Variants in ERCC4 observed in about 807,000 individuals in gnomAD.
ERCC4 encodes DNA repair endonuclease XPF.
ERCC4 carries 65 observed loss-of-function variants against 76.9 expected under a neutral mutation model. The observed-to-expected ratio is 0.84, with a 90% CI of 0.69 to 1.04. ERCC4 has a LOEUF of 1.04. Ranked by LOEUF, ERCC4 falls within the 50% of genes least tolerant of loss-of-function variation. The pLI, the probability that ERCC4 is intolerant of heterozygous loss-of-function variation, is 0.00. For synonymous variants in ERCC4, 463 were observed against 410.1 expected (o/e 1.13, Z -1.56); for missense variants, 1,214 against 1,128.2 (o/e 1.08, Z -1.09).
intron 9 of ERCC4, among the ~76,000 whole-genome samples, chr16:13,940,693 A>T (rs1392946514): frequency 6.6e-6 from 1 of 152,216 alleles, no homozygotes; most frequent in Non-Finnish European, 1.5e-5. Flanking sequence ...ACGATAAATC[A>T]CATCGTCAGC....
rs201181735 is a variant in ERCC4, at chr16:13,932,151, T to C, written c.974-6T>C. On this transcript the variant is annotated splice_region_variant and splice_polypyrimidine_tract_variant and intron_variant, in intron 5 of 10. Coordinates refer to ENST00000311895, the MANE Select transcript of ERCC4 (RefSeq NM_005236.3). ...TGGCACTTTTTCTTTTAACTTTTCG[T>C]ATTAGGTTGGCTGTTTCTTGACTCC... 1,949 of 1,612,666 alleles carry C rather than the reference T, an allele frequency of 1.2e-3. 7 individuals carry two copies. Among genetic ancestry groups the C allele is most frequent in the Middle Eastern group, 3.7e-3 (22 of 6,006 alleles).
chr16:13,925,091 C>G (rs888644993), intron 2 of ERCC4, among the ~76,000 whole-genome samples: 5 of 152,190 alleles, frequency 3.3e-5, no homozygotes, highest in African/African-American at 9.7e-5. Flanking sequence ...TAAGTTGCTT[C>G]CCTTCCTTGG....
At position 13,950,527 on chromosome 16, in the gene ERCC4, G is replaced by A. The variant is rs886051673; in HGVS notation, c.*2180G>A. ...TTTTCCCAGGATTCAAAATATACCC[G>A]CTAGAATGGAAAACAAAAATTTGAA... On this transcript the variant is annotated 3_prime_UTR_variant, in exon 11 of 11. Transcript: ENST00000311895. 4 of 192,008 alleles carry A rather than the reference G, an allele frequency of 2.1e-5. No homozygotes were observed. Among genetic ancestry groups the A allele is most frequent in the East Asian group, 8.3e-5 (1 of 12,110 alleles). 11.9% of individuals were successfully genotyped at this position (192,008 alleles called of 1,614,324 possible). A position where few individuals can be genotyped will look rare whatever the true frequency, so the allele number is the denominator to read the frequency against.
chr16:13,935,228 A>C lies in ERCC4; in HGVS notation c.1296A>C (p.Leu432Phe), dbSNP rs1375870944. Residue 432 changes from leucine (L) to phenylalanine (F), a missense_variant, in exon 8 of 11, where the codon TTA (leucine) becomes TTC (phenylalanine). Transcript: ENST00000311895. ...TCACTCTTGGAGCGGAGGCCTTCTT[A>C]TTGAGGCTCTACAGGAAAACCTTTG... ...DYITLGAEAF[L>F]LRLYRKTFEK... The C allele has an allele frequency of 6.2e-7, 1 of 1,614,090 alleles. No individual in the cohort carries two copies. Among genetic ancestry groups the C allele is most frequent in the Non-Finnish European group, 8.5e-7 (1 of 1,180,006 alleles).
At chr16:13,925,240 CT>C (rs1251470931) in intron 2 of ERCC4, among the ~76,000 whole-genome samples, 1 of 152,176 alleles carries the variant, frequency 6.6e-6, no homozygotes, top group Non-Finnish European at 1.5e-5. Context: ...ATAAAGACAA[CT>C]TTTTGGAGCG....
intron 10 of ERCC4, among the ~76,000 whole-genome samples, chr16:13,946,513 G>T (rs1307104558): frequency 6.6e-6 from 1 of 152,206 alleles, no homozygotes; most frequent in Non-Finnish European, 1.5e-5. Context: ...TGTCTTATAT[G>T]CACTTTGTCA....
In ERCC4 at chr16:13,949,264, T is replaced by G. The variant is rs1953450320; in HGVS notation, c.*917T>G. On this transcript the variant is annotated 3_prime_UTR_variant, in exon 11 of 11. Transcript: ENST00000311895. ...AGTCCAGCTGGCTAGTTACAGAGTT[T>G]TTTCAGACTTCCTCGTTTCTCAGCT... 4.3e-6 allele frequency: 1 copy of G among 233,454 alleles called. No homozygotes were observed. Among genetic ancestry groups the G allele is most frequent in the Non-Finnish European group, 8.5e-6 (1 of 118,240 alleles). 14.5% of individuals were successfully genotyped at this position (233,454 alleles called of 1,614,324 possible). A position where few individuals can be genotyped will look rare whatever the true frequency, so the allele number is the denominator to read the frequency against.
Position 13,950,521 on chromosome 16 carries a change from A to T in ERCC4, c.*2174A>T, listed in dbSNP as rs9925509. 5.2e-6 allele frequency: 1 copy of T among 192,770 alleles called. No homozygotes were observed. Among genetic ancestry groups the T allele is most frequent in the African/African-American group, 2.3e-5 (1 of 43,074 alleles). 11.9% of individuals were successfully genotyped at this position (192,770 alleles called of 1,614,324 possible). ...CTAATTTTTTCCCAGGATTCAAAAT[A>T]TACCCGCTAGAATGGAAAACAAAAA... On this transcript the variant is annotated 3_prime_UTR_variant, in exon 11 of 11. Transcript: ENST00000311895.
In ERCC4 at chr16:13,928,921, C is replaced by G. The variant is rs374724251; in HGVS notation, c.792+686C>G. ...TCTGTCTTTTAAACTCTGAGTCAAT[C>G]TCTATGTCACTGGCAATAATGCGTG... On this transcript the variant is annotated intron_variant, in intron 4 of 10. Coordinates refer to ENST00000311895, the MANE Select transcript of ERCC4 (RefSeq NM_005236.3). Among the ~76,000 whole-genome samples the G allele has an allele frequency of 2.2e-4, 33 of 152,206 alleles. 1 individual carries two copies. The East Asian group carries it at 3.7e-3, about 17-fold the overall frequency.
At position 13,936,898 on chromosome 16, in the gene ERCC4, CTT is replaced by C. The variant is rs34695139; in HGVS notation, c.1812-857_1812-856del. Among the ~76,000 whole-genome samples the C allele has an allele frequency of 1.7e-4, 24 of 143,216 alleles. No individual in the cohort carries two copies. The East Asian group carries it at 2.0e-3, about 12-fold the overall frequency. 94.0% of individuals were successfully genotyped at this position (143,216 alleles called of 152,430 possible). ...CAACAAACAAGATGGAAAAGCAGGCCTTTTTTTTTTTTCCTTTTTTTTTTTTT... is the reference window on the plus strand; with the variant it reads ...CAACAAACAAGATGGAAAAGCAGGCCTTTTTTTTTTCCTTTTTTTTTTTTT... On this transcript the variant is annotated intron_variant, in intron 8 of 10. Coordinates refer to ENST00000311895, the MANE Select transcript of ERCC4 (RefSeq NM_005236.3).
chr16:13,948,535 T>A lies in ERCC4; in HGVS notation c.*188T>A, dbSNP rs556712304. 1.2e-5 allele frequency: 8 copies of A among 661,832 alleles called. No homozygotes were observed. The South Asian group carries it at 1.5e-4, about 12-fold the overall frequency. 41.0% of individuals were successfully genotyped at this position (661,832 alleles called of 1,614,324 possible). On this transcript the variant is annotated 3_prime_UTR_variant, in exon 11 of 11. Coordinates refer to ENST00000311895, the MANE Select transcript of ERCC4 (RefSeq NM_005236.3). Reference sequence around the variant, plus strand: ...GTTAGGCATCACTTGAACTTGCCTGTGCCTGCTCTTTTTCCTCCCTGCACC... The same window carrying A: ...GTTAGGCATCACTTGAACTTGCCTGAGCCTGCTCTTTTTCCTCCCTGCACC...
chr16:13,943,850 A>G (rs2032464772), intron 9 of ERCC4: 1 of 152,096 alleles, frequency 6.6e-6, no homozygotes, highest in African/African-American at 2.4e-5. Flanking sequence ...ATTATAACAT[A>G]CTTTATCAAT....
intron 9 of ERCC4, among the ~76,000 whole-genome samples, chr16:13,941,548 C>CT (rs1567250882): frequency 6.6e-6 from 1 of 152,186 alleles, no homozygotes; most frequent in Non-Finnish European, 1.5e-5. Flanking sequence ...AGTTGTGGCT[C>CT]TTTAACCAGA....
chr16:13,929,154 C>G (rs2032125448), intron 4 of ERCC4, among the ~76,000 whole-genome samples: 1 of 152,058 alleles, frequency 6.6e-6, no homozygotes, highest in African/African-American at 2.4e-5. Context: ...AAAATTGTAG[C>G]CTAACATGTT....
intron 1 of ERCC4, among the ~76,000 whole-genome samples, chr16:13,920,888 G>C (rs2031960583): frequency 6.6e-6 from 1 of 151,448 alleles, no homozygotes; most frequent in Non-Finnish European, 1.5e-5. Context: ...AACACTAAGA[G>C]GGATGGGAGG....
chr16:13,934,607 GCTAATCT>G (rs2032246951), intron 7 of ERCC4: 1 of 367,086 alleles, frequency 2.7e-6, no homozygotes, highest in Non-Finnish European at 5.1e-6. Context: ...TAAAGATTGA[GCTAATCT>G]CTACACATAT....
chr16:13,940,386 C>CAA (rs560268729), intron 9 of ERCC4, among the ~76,000 whole-genome samples: 8 of 126,914 alleles, frequency 6.3e-5, no homozygotes, highest in African/African-American at 1.4e-4. Context: ...ACCCCCGTCT[C>CAA]AAAAAAAAAA....
chr16:13,932,842 T>G (rs1465801579), intron 6 of ERCC4: 1 of 186,840 alleles, frequency 5.4e-6, no homozygotes, highest in East Asian at 1.7e-4. Context: ...GTCAGGAGTT[T>G]GAGACCAGCC....
chr16:13,948,026 G>T lies in ERCC4; in HGVS notation c.2430G>T (p.Ala810=). 5 of 1,614,120 alleles carry T rather than the reference G, an allele frequency of 3.1e-6. No individual in the cohort carries two copies. Among genetic ancestry groups the T allele is most frequent in the Non-Finnish European group, 4.2e-6 (5 of 1,180,028 alleles). ...GGTGCCCCTCTCCTCATGCAACGGCGGAGTTGTTTGAGGAGCTGAAACAAA... is the reference window on the plus strand; with the variant it reads ...GGTGCCCCTCTCCTCATGCAACGGCTGAGTTGTTTGAGGAGCTGAAACAAA... ...ILWCPSPHAT[A]ELFEELKQSK... The change falls in exon 11 of 11, where the codon GCG becomes GCT. Residue 810 remains alanine, a synonymous_variant. Transcript: ENST00000311895.
Sources: gnomAD v4.1 joint callset for allele counts (sites outside exome capture counted in the v4.1 genomes callset) on GRCh38, gnomAD v4.1.1 for gene constraint, MANE v1.5 for transcripts, NCBI Gene and HGNC (gene_info 2026-07-23, HGNC 2026-07-21) for gene names.